The following PPT1 variants were observed in gnomAD, a reference collection of about 807,000 sequenced individuals.
PPT1 encodes palmitoyl-protein thioesterase 1, also known as ceroid-palmitoyl-palmitoyl-protein thioesterase 1.
PPT1 carries 24 observed loss-of-function variants against 44.0 expected under a neutral mutation model. The ratio of observed to expected loss-of-function variants is 0.54; its 90% CI spans 0.39 to 0.77. The LOEUF (loss-of-function observed/expected upper bound fraction) is 0.77. PPT1 is among the 30% of genes least tolerant of loss of function. The pLI, the probability that PPT1 is intolerant of heterozygous loss-of-function variation, is 0.00. For missense variants in PPT1, 341 were observed against 378.8 expected, an observed-to-expected ratio of 0.90 and a Z score of 0.83; for synonymous variants, 148 against 140.2, an observed-to-expected ratio of 1.06 and a Z score of -0.39.
chr1:40,081,026 C>CAAAGG (rs1648910366), intron 5 of PPT1, among the ~76,000 whole-genome samples: 1 of 152,156 alleles, frequency 6.6e-6, no homozygotes, highest in African/African-American at 2.4e-5. Context: ...AAGATTCAGG[C>CAAAGG]AAAGGACTCA....
chr1:40,071,715 G>A (rs1648071631), downstream of PPT1: 13 of 575,576 alleles, frequency 2.3e-5, 1 homozygote, highest in Middle Eastern at 4.7e-4. Context: ...GGGATAGCAG[G>A]TCAGTTGATC....
chr1:40,086,375 C>T lies in PPT1; in HGVS notation c.536+3035G>A, dbSNP rs1470684716. ...GAGAGAGAACTATTATACCATTCCT[C>T]GTTGCCCTCACCATGCCAAGCCGGG... On this transcript the variant is annotated intron_variant, in intron 5 of 8. Transcript: ENST00000642050. Among the ~76,000 whole-genome samples the T allele has an allele frequency of 5.3e-5, 8 of 152,308 alleles. No homozygotes were observed. In the South Asian group the frequency reaches 1.0e-3, roughly 20 times the overall value.
At chr1:40,089,540 T>C in intron 4 of PPT1, 28 bp from the exon 5 acceptor site, 1 of 1,519,674 alleles carries the variant, frequency 6.6e-7, no homozygotes, top group Non-Finnish European at 9.1e-7. Context: ...AAATATCCAC[T>C]CCTTCAATAA....
At chr1:40,077,743 T>C (rs758956633) in intron 7 of PPT1, among the ~76,000 whole-genome samples, 2 of 152,050 alleles carry the variant, frequency 1.3e-5, no homozygotes, top group Admixed American at 6.6e-5. Flanking sequence ...GACAGACGAA[T>C]AGAAATTGTC....
intron 5 of PPT1, among the ~76,000 whole-genome samples, chr1:40,089,008 C>T (rs529101440): frequency 3.3e-5 from 5 of 151,878 alleles, no homozygotes; most frequent in East Asian, 3.9e-4. Flanking sequence ...ATTTGAAGGC[C>T]GGGTGTGGTG....
At chr1:40,074,571 G>A (rs1275071983) in intron 8 of PPT1, among the ~76,000 whole-genome samples, 3 of 151,938 alleles carry the variant, frequency 2.0e-5, no homozygotes, top group Admixed American at 1.3e-4. Flanking sequence ...TGGCTCAAGC[G>A]ATTCTCCTGC....
At chr1:40,093,792 G>A (rs553459187) in intron 1 of PPT1, 1 of 483,744 alleles carries the variant, frequency 2.1e-6, no homozygotes, top group Non-Finnish European at 3.8e-6. Flanking sequence ...GCTGAGGCAG[G>A]AGAATCGCTT....
chr1:40,090,368 G>A (rs1649494583), intron 4 of PPT1, among the ~76,000 whole-genome samples: 1 of 151,948 alleles, frequency 6.6e-6, no homozygotes. Context: ...GTATATATGT[G>A]TATATAAGTG....
intron 5 of PPT1, among the ~76,000 whole-genome samples, chr1:40,086,126 T>C (rs1649246626): frequency 6.6e-6 from 1 of 152,078 alleles, no homozygotes; most frequent in African/African-American, 2.4e-5. Flanking sequence ...TTAAACAGGA[T>C]ATGTAAAGCT....
chr1:40,087,599 A>G (rs1649332147), intron 5 of PPT1, among the ~76,000 whole-genome samples: 1 of 152,056 alleles, frequency 6.6e-6, no homozygotes, highest in South Asian at 2.1e-4. Flanking sequence ...ACTTAGCATC[A>G]CTAACAGAAT....
chr1:40,080,134 C>T (rs890986941), intron 6 of PPT1, among the ~76,000 whole-genome samples: 2 of 152,166 alleles, frequency 1.3e-5, no homozygotes, highest in Admixed American at 6.5e-5. Flanking sequence ...ATTTCCACCT[C>T]GCCCAGTCAG....
Position 40,078,553 on chromosome 1 carries a change from G to T in PPT1, c.726+7C>A, listed in dbSNP as rs1327798828. 2 of 1,611,868 alleles carry T rather than the reference G, an allele frequency of 1.2e-6. No homozygotes were observed. The highest frequency in any genetic ancestry group is 1.3e-5 in the African/African-American group (1 of 74,872). ...TCTCCTGGCATGTGGCCTAAGTAGT[G>T]TCTCACCTCCGAATCTACAGGGTCC... is the stretch of plus-strand genomic sequence containing the variant. On this transcript the variant is annotated splice_region_variant and intron_variant, in intron 7 of 8. Transcript: ENST00000642050.
intron 5 of PPT1, 113 bp from the exon 6 acceptor site, chr1:40,080,600 G>A: frequency 4.0e-6 from 4 of 989,110 alleles, no homozygotes; most frequent in Non-Finnish European, 4.7e-6. Flanking sequence ...GGCCAGCCAG[G>A]CACAGTGGCT....
At chr1:40,083,513 A>G (rs1649093494) in intron 5 of PPT1, among the ~76,000 whole-genome samples, 1 of 152,150 alleles carries the variant, frequency 6.6e-6, no homozygotes, top group African/African-American at 2.4e-5. Context: ...ACAAACAAAT[A>G]TTACAGCTCA....
chr1:40,090,492 A>G (rs191405196), intron 4 of PPT1, among the ~76,000 whole-genome samples: 20 of 151,902 alleles, frequency 1.3e-4, no homozygotes, highest in Middle Eastern at 3.4e-3. Context: ...GTGTGTGTGT[A>G]TATATATATA....
intron 1 of PPT1, among the ~76,000 whole-genome samples, chr1:40,096,578 T>C (rs1057063587): frequency 4.6e-5 from 7 of 151,910 alleles, no homozygotes; most frequent in Non-Finnish European, 1.0e-4. Context: ...AAGGTGTATA[T>C]GAAAAATAAA....
rs775658247 is a variant in PPT1 at position 40,089,422 on chromosome 1, A to G, written c.524T>C (p.Val175Ala). 1 of 1,613,864 alleles carries G rather than the reference A, an allele frequency of 6.2e-7. No homozygotes were observed. The highest frequency in any genetic ancestry group is 8.5e-7 in the Non-Finnish European group (1 of 1,179,900). ...KTLNAGAYSKVVQERLVQAEY... is the reference protein window; with the variant it reads ...KTLNAGAYSKAVQERLVQAEY... ...TAACCATACATACCGTTCCTGAACA[A>G]CTTTGGAGTACGCCCCAGCATTCAG... The change falls in exon 5 of 9, where the codon GTT becomes GCT. Residue 175 changes from valine (V) to alanine (A), a missense_variant. Physicochemically the swap from Val to Ala is moderately conservative, Grantham distance 64 (BLOSUM62 0). Coordinates refer to ENST00000642050, the MANE Select transcript of PPT1 (RefSeq NM_000310.4).
At chr1:40,072,127 T>C (rs1648155725), downstream of PPT1, 1 of 399,944 alleles carries the variant, frequency 2.5e-6, no homozygotes, top group East Asian at 3.6e-5. Context: ...AACCGTGAGA[T>C]AGGAGAGTCT....
intron 4 of PPT1, 32 bp from the exon 5 acceptor site, chr1:40,089,544 T>C (rs1205537034): frequency 2.0e-6 from 3 of 1,483,956 alleles, no homozygotes; most frequent in Non-Finnish European, 2.8e-6. Context: ...ATCCACTCCT[T>C]CAATAATGAT....
Sources: gnomAD v4.1 joint callset for allele counts (sites outside exome capture counted in the v4.1 genomes callset) on GRCh38, gnomAD v4.1.1 for gene constraint, MANE v1.5 for transcripts, NCBI Gene and HGNC (gene_info 2026-07-23, HGNC 2026-07-21) for gene names.